Variants in CCAR1 observed in about 807,000 individuals in gnomAD.
CCAR1 encodes cell division cycle and apoptosis regulator protein 1.
Under a neutral mutation model 163.8 loss-of-function variants are expected in CCAR1, and 78 were observed. That is an observed-to-expected ratio of 0.48 (90% CI 0.40 to 0.57). CCAR1 has a LOEUF of 0.57. CCAR1 is among the 20% of genes least tolerant of loss of function. The pLI, the probability that CCAR1 is intolerant of heterozygous loss-of-function variation, is 0.00. For missense variants in CCAR1, 1,019 were observed against 1,365.2 expected, an observed-to-expected ratio of 0.75 and a Z score of 4.00; for synonymous variants, 443 against 460.7, an observed-to-expected ratio of 0.96 and a Z score of 0.49.
chr10:68,738,553 C>G (rs2056142630), intron 4 of CCAR1, among the ~76,000 whole-genome samples: 1 of 152,166 alleles, frequency 6.6e-6, no homozygotes, highest in Non-Finnish European at 1.5e-5. Context: ...ATGAAAGCTC[C>G]TTTTGCTGAT....
chr10:68,749,104 C>T (rs200653197), intron 8 of CCAR1, 32 bp from the exon 9 acceptor site: 176 of 1,612,930 alleles, frequency 1.1e-4, no homozygotes, highest in Middle Eastern at 3.3e-4. Context: ...TGTTTAGACA[C>T]GCTAAACGTT....
At chr10:68,770,334 T>A (rs1295343654) in intron 17 of CCAR1, among the ~76,000 whole-genome samples, 2 of 152,222 alleles carry the variant, frequency 1.3e-5, no homozygotes, top group Non-Finnish European at 2.9e-5. Context: ...GGAGGGGTTT[T>A]TATCAGCTTT....
At chr10:68,775,497 C>CTTTTTTTTTTTTT (rs58856212) in intron 19 of CCAR1, among the ~76,000 whole-genome samples, 12 of 117,944 alleles carry the variant, frequency 1.0e-4, no homozygotes, top group Non-Finnish European at 1.4e-4. Flanking sequence ...GCCTCATTTT[C>CTTTTTTTTTTTTT]TTTTTTTTTT....
intron 2 of CCAR1, among the ~76,000 whole-genome samples, chr10:68,723,424 C>T (rs577117720): frequency 3.3e-5 from 5 of 151,748 alleles, no homozygotes; most frequent in Admixed American, 6.6e-5. Context: ...CCACCGCACC[C>T]GGCAGTTTTG....
rs1009942085 is a variant in CCAR1, at chr10:68,746,091, G to T, written c.519-1070G>T. On this transcript the variant is annotated intron_variant, in intron 6 of 24. Coordinates refer to ENST00000265872, the MANE Select transcript of CCAR1 (RefSeq NM_018237.4). ...GGGTTCAAGTGATTCTCCTGCCTCA[G>T]CCTCTCAAGTAGCTGGGATCACAGG... is the stretch of plus-strand genomic sequence containing the variant. 3.3e-4 allele frequency among the ~76,000 whole-genome samples: 50 copies of T among 149,910 alleles called. 1 individual carries two copies. Among genetic ancestry groups the T allele is most frequent in the African/African-American group, 1.2e-3 (48 of 40,560 alleles).
At chr10:68,722,341 G>T in intron 1 of CCAR1, 114 bp from the exon 2 acceptor site, 3 of 637,436 alleles carry the variant, frequency 4.7e-6, no homozygotes, top group Non-Finnish European at 8.6e-6. Flanking sequence ...TGTTATTTCT[G>T]CTGAAATCTG....
chr10:68,733,346 G>T (rs1013839551), intron 2 of CCAR1, among the ~76,000 whole-genome samples: 6 of 152,136 alleles, frequency 3.9e-5, no homozygotes, highest in Non-Finnish European at 8.8e-5. Context: ...GGGAGGTTGA[G>T]GTTGCAGTGA....
intron 19 of CCAR1, among the ~76,000 whole-genome samples, chr10:68,785,505 A>G (rs1196006310): frequency 1.3e-5 from 2 of 152,168 alleles, no homozygotes; most frequent in African/African-American, 2.4e-5. Flanking sequence ...TACAGGCATG[A>G]GCCACTGTAC....
At chr10:68,744,237 T>C (rs2056223458) in intron 6 of CCAR1, among the ~76,000 whole-genome samples, 1 of 152,248 alleles carries the variant, frequency 6.6e-6, no homozygotes, top group Non-Finnish European at 1.5e-5. Context: ...TCTAACAATA[T>C]TTCTGGGTAA....
At chr10:68,770,840 G>T (rs2056592704) in intron 17 of CCAR1, among the ~76,000 whole-genome samples, 1 of 152,230 alleles carries the variant, frequency 6.6e-6, no homozygotes, top group Admixed American at 6.5e-5. Flanking sequence ...CACTTTGGGA[G>T]GCCGAGGCGG....
At chr10:68,753,648 A>G (rs1445905604) in intron 10 of CCAR1, among the ~76,000 whole-genome samples, 5 of 152,222 alleles carry the variant, frequency 3.3e-5, no homozygotes, top group Admixed American at 1.3e-4. Context: ...CACTGAGAAT[A>G]CTATTTATTC....
chr10:68,728,808 A>G (rs183622769), intron 2 of CCAR1, among the ~76,000 whole-genome samples: 80 of 152,226 alleles, frequency 5.3e-4, no homozygotes, highest in African/African-American at 1.8e-3. Flanking sequence ...TACAAAAATA[A>G]GCTGGGTGTG....
intron 18 of CCAR1, 34 bp downstream of exon 18, chr10:68,771,479 G>A: frequency 1.3e-6 from 2 of 1,523,416 alleles, no homozygotes; most frequent in Non-Finnish European, 8.9e-7. Context: ...GAAGCTTTCA[G>A]TTACTCTTCT....
At chr10:68,775,563 G>T (rs1340227484) in intron 19 of CCAR1, among the ~76,000 whole-genome samples, 1 of 149,104 alleles carries the variant, frequency 6.7e-6, no homozygotes, top group Non-Finnish European at 1.5e-5. Flanking sequence ...AGGCGGGAGT[G>T]CAGTGGCACA....
chr10:68,755,572 T>A lies in CCAR1; in HGVS notation c.1625+36T>A, dbSNP rs527859820. ...ATTCATTTCTTGATTAGAAGTGTTTTACTGATAGTTTATGTAGTTGTTCTT... is the reference window on the plus strand; with the variant it reads ...ATTCATTTCTTGATTAGAAGTGTTTAACTGATAGTTTATGTAGTTGTTCTT... On this transcript the variant is annotated intron_variant, in intron 13 of 24. Coordinates refer to ENST00000265872, the MANE Select transcript of CCAR1 (RefSeq NM_018237.4). The A allele has an allele frequency of 1.3e-5, 21 of 1,560,752 alleles. No individual in the cohort carries two copies. In the African/African-American group the frequency reaches 2.7e-4, roughly 20 times the overall value.
intron 16 of CCAR1, among the ~76,000 whole-genome samples, chr10:68,763,235 C>T (rs982253011): frequency 1.4e-4 from 22 of 152,130 alleles, no homozygotes; most frequent in African/African-American, 5.3e-4. Context: ...ACTGCAGCCT[C>T]TGCCTCCTGG....
At chr10:68,749,805 A>G (rs2056307545) in intron 10 of CCAR1, 120 bp downstream of exon 10, 7 of 808,606 alleles carry the variant, frequency 8.7e-6, no homozygotes, top group Non-Finnish European at 1.4e-5. Flanking sequence ...TTCTTCATAT[A>G]AGGGCAGAAA....
At chr10:68,751,003 A>G (rs1264820712) in intron 10 of CCAR1, among the ~76,000 whole-genome samples, 2 of 151,796 alleles carry the variant, frequency 1.3e-5, no homozygotes, top group African/African-American at 4.8e-5. Flanking sequence ...ACTTATGGTC[A>G]AATCAGCACC....
intron 6 of CCAR1, among the ~76,000 whole-genome samples, chr10:68,743,943 G>T (rs528677131): frequency 1.3e-5 from 2 of 152,094 alleles, no homozygotes; most frequent in African/African-American, 4.8e-5. Context: ...TAGAGATGGG[G>T]TTTTACCATC....
Sources: allele counts gnomAD v4.1 joint callset (sites outside exome capture counted in the v4.1 genomes callset), GRCh38; gene constraint gnomAD v4.1.1; transcripts MANE v1.5; gene names NCBI Gene and HGNC (gene_info 2026-07-23, HGNC 2026-07-21).